The following PLEKHG4B variants were observed in gnomAD, a reference collection of about 807,000 sequenced individuals.
PLEKHG4B encodes pleckstrin homology and RhoGEF domain containing G4B.
PLEKHG4B carries 111 observed loss-of-function variants against 121.3 expected under a neutral mutation model. That is an observed-to-expected ratio of 0.92 (90% CI 0.78 to 1.07). The LOEUF (loss-of-function observed/expected upper bound fraction) is 1.07. Ranked by LOEUF, PLEKHG4B falls within the 50% of genes least tolerant of loss-of-function variation. PLEKHG4B has a pLI of 0.00. For synonymous variants in PLEKHG4B, 738 were observed against 725.0 expected, an observed-to-expected ratio of 1.02 and a Z score of -0.29; for missense variants, 1,831 against 1,757.8, an observed-to-expected ratio of 1.04 and a Z score of -0.74.
At chr5:165,225 G>T (rs1736271869) in intron 13 of PLEKHG4B, among the ~76,000 whole-genome samples, 7 of 43,866 alleles carry the variant, frequency 1.6e-4, no homozygotes, top group East Asian at 3.6e-4. Flanking sequence ...TGCTCTGACG[G>T]GGCGGAGCTC....
intron 2 of PLEKHG4B, among the ~76,000 whole-genome samples, chr5:133,943 T>C (rs112380380): frequency 0.036 from 4,265 of 119,960 alleles, 217 homozygotes; most frequent in African/African-American, 0.15. Context: ...CACACACACA[T>C]ATATATATGG....
chr5:138,840 T>C (rs1735061008), intron 2 of PLEKHG4B, among the ~76,000 whole-genome samples: 1 of 152,274 alleles, frequency 6.6e-6, no homozygotes. Flanking sequence ...TTAAGTGATC[T>C]GTGTGCAGTT....
intron 6 of PLEKHG4B, 144 bp downstream of exon 6, chr5:145,064 C>T: frequency 1.5e-6 from 1 of 652,398 alleles, no homozygotes; most frequent in Non-Finnish European, 2.6e-6. Flanking sequence ...TGCAGAGCCA[C>T]CTCCTTCTTG....
chr5:175,269 AGG>A (rs1736721726), intron 18 of PLEKHG4B, among the ~76,000 whole-genome samples: 3 of 151,852 alleles, frequency 2.0e-5, no homozygotes, highest in Middle Eastern at 3.4e-3. Context: ...TCCCCACCCT[AGG>A]ATCCCTTCCC....
At chr5:103,019 C>T (rs990207924) in intron 1 of PLEKHG4B, among the ~76,000 whole-genome samples, 4 of 152,118 alleles carry the variant, frequency 2.6e-5, no homozygotes, top group Non-Finnish European at 5.9e-5. Context: ...AAGTTTGCAC[C>T]CCTCCATTGC....
intron 2 of PLEKHG4B, among the ~76,000 whole-genome samples, chr5:136,422 C>A (rs1188165325): frequency 2.0e-5 from 3 of 152,126 alleles, no homozygotes; most frequent in African/African-American, 7.2e-5. Flanking sequence ...TTGTGTATCT[C>A]ATAAGGGATT....
Position 171,360 on chromosome 5 carries a change from G to C in PLEKHG4B, c.3966G>C (p.Glu1322Asp), listed in dbSNP as rs773104497. ...CGLAQGQELG[E>D]LRAAEVVVCF... Reference sequence around the variant, plus strand: ...TGGCCCAGGGGCAGGAGCTGGGCGAGCTCCGAGCCGCCGAGGTCGTGGTCT... The same window carrying C: ...TGGCCCAGGGGCAGGAGCTGGGCGACCTCCGAGCCGCCGAGGTCGTGGTCT... The change falls in exon 16 of 20, where the codon GAG (glutamate) becomes GAC (aspartate). Residue 1322 changes from glutamate (E) to aspartate (D), a missense_variant. Transcript: ENST00000637938. 2.6e-5 allele frequency: 42 copies of C among 1,611,860 alleles called. No homozygotes were observed. Among genetic ancestry groups the C allele is most frequent in the Non-Finnish European group, 3.6e-5 (42 of 1,179,800 alleles).
At chr5:178,307 G>A (rs779764239) in intron 18 of PLEKHG4B, among the ~76,000 whole-genome samples, 11 of 152,196 alleles carry the variant, frequency 7.2e-5, no homozygotes, top group Admixed American at 3.9e-4. Context: ...GCCATCACCC[G>A]ACATTCCCAA....
At chr5:166,549 C>T (rs1026911882) in intron 13 of PLEKHG4B, among the ~76,000 whole-genome samples, 2 of 151,096 alleles carry the variant, frequency 1.3e-5, no homozygotes, top group Non-Finnish European at 3.0e-5. Context: ...GGGCGGGGCT[C>T]ACACTAATGC....
At position 183,991 on chromosome 5, in the gene PLEKHG4B, C is replaced by CGATCAATA. The variant is rs1292159443; in HGVS notation, c.*1671_*1672insCAATAGAT. The CGATCAATA allele has an allele frequency of 9.6e-6, 1 of 104,614 alleles. No homozygotes were observed. Among genetic ancestry groups the CGATCAATA allele is most frequent in the Non-Finnish European group, 2.4e-5 (1 of 41,240 alleles). 6.5% of individuals were successfully genotyped at this position (104,614 alleles called of 1,614,324 possible). A position where few individuals can be genotyped will look rare whatever the true frequency, so the allele number is the denominator to read the frequency against. Reference sequence around the variant, plus strand: ...CAGACAGATAGATAGATAGATAGATCGATAGATAGATAGATAGATAGATAG... The same window carrying CGATCAATA: ...CAGACAGATAGATAGATAGATAGATCGATCAATAGATAGATAGATAGATAGATAGATAG... On this transcript the variant is annotated 3_prime_UTR_variant, in exon 20 of 20. Coordinates refer to ENST00000637938, the MANE Select transcript of PLEKHG4B (RefSeq NM_052909.5).
intron 1 of PLEKHG4B, among the ~76,000 whole-genome samples, chr5:96,953 A>G (rs997277013): frequency 5.3e-5 from 8 of 152,358 alleles, no homozygotes; most frequent in Non-Finnish European, 8.8e-5. Context: ...CGTAAAATCA[A>G]CCATTTTAAA....
intron 3 of PLEKHG4B, among the ~76,000 whole-genome samples, chr5:141,366 T>C (rs573895794): frequency 1.4e-5 from 2 of 145,476 alleles, no homozygotes; most frequent in South Asian, 2.3e-4. Context: ...GTGGGCAGAG[T>C]GTGTTCCCCT....
In PLEKHG4B at chr5:164,579, A is replaced by ACACAGTAACGCTGTGACGGAGCGGAGCT. The variant is rs1736192815; in HGVS notation, c.3476+1039_3476+1040insCGCTGTGACGGAGCGGAGCTCACAGTAA. ...AATGCTCTGACAGGGGGCGGAGCTC[A>ACACAGTAACGCTGTGACGGAGCGGAGCT]CACAGTAATGCTGTGACGGAGCGGA... On this transcript the variant is annotated intron_variant, in intron 13 of 19. Transcript: ENST00000637938. 2.8e-5 allele frequency among the ~76,000 whole-genome samples: 3 copies of ACACAGTAACGCTGTGACGGAGCGGAGCT among 107,168 alleles called. 1 individual carries two copies. Among genetic ancestry groups the ACACAGTAACGCTGTGACGGAGCGGAGCT allele is most frequent in the African/African-American group, 1.4e-4 (3 of 21,202 alleles). 70.3% of individuals were successfully genotyped at this position (107,168 alleles called of 152,430 possible).
intron 2 of PLEKHG4B, among the ~76,000 whole-genome samples, chr5:125,126 TA>T (rs1038555416): frequency 4.0e-5 from 6 of 151,712 alleles, no homozygotes; most frequent in East Asian, 3.9e-4. Context: ...GAGTGAGACT[TA>T]AAAAAAAATC....
chr5:174,141 C>A (rs1388823300), intron 18 of PLEKHG4B, 43 bp downstream of exon 18: 15 of 1,325,882 alleles, frequency 1.1e-5, no homozygotes, highest in South Asian at 2.6e-5. Context: ...CTCAGGGGCA[C>A]AGCTAGGGGC....
chr5:93,664 T>A (rs1228455991), intron 1 of PLEKHG4B, among the ~76,000 whole-genome samples: 2 of 152,328 alleles, frequency 1.3e-5, no homozygotes, highest in East Asian at 3.9e-4. Context: ...TTCTCATCTT[T>A]TATCCTGGTA....
At chr5:109,397 CAAAAAAAAAAAA>C (rs34972342) in intron 1 of PLEKHG4B, among the ~76,000 whole-genome samples, 1 of 61,838 alleles carries the variant, frequency 1.6e-5, no homozygotes, top group Non-Finnish European at 3.0e-5. Context: ...ACTCTGTCTC[CAAAAAAAAAAAA>C]AAAAAAAAAA....
At chr5:171,188 C>A (rs1478460871) in intron 15 of PLEKHG4B, 26 bp from the exon 16 acceptor site, 2 of 1,603,752 alleles carry the variant, frequency 1.2e-6, no homozygotes, top group Non-Finnish European at 1.7e-6. Context: ...CAGGCCGGAG[C>A]TGACCCTCTC....
intron 1 of PLEKHG4B, among the ~76,000 whole-genome samples, chr5:97,506 A>T (rs898704637): frequency 2.6e-5 from 4 of 152,172 alleles, no homozygotes; most frequent in African/African-American, 7.2e-5. Flanking sequence ...GTCTCTATGG[A>T]TTTATCTATT....
Sources: gnomAD v4.1 joint callset for allele counts (sites outside exome capture counted in the v4.1 genomes callset) on GRCh38, gnomAD v4.1.1 for gene constraint, MANE v1.5 for transcripts, NCBI Gene and HGNC (gene_info 2026-07-23, HGNC 2026-07-21) for gene names.